The following VSX2 variants were observed in gnomAD, a reference collection of about 807,000 sequenced individuals.
VSX2 encodes the protein visual system homeobox 2, also known as ceh-10 homeo domain containing homolog.
A neutral mutation model predicts 32.1 loss-of-function variants in VSX2; 28 were observed. That is an observed-to-expected ratio of 0.87 (90% CI 0.65 to 1.20). The LOEUF (loss-of-function observed/expected upper bound fraction) is 1.20, where lower values mean the gene tolerates loss of function less well. Among genes scored for constraint, VSX2 ranks in the 50% most tolerant of loss-of-function variants. VSX2 has a pLI of 0.00. For missense variants in VSX2, 506 were observed against 488.7 expected, an observed-to-expected ratio of 1.04 and a Z score of -0.33; for synonymous variants, 243 against 214.1, an observed-to-expected ratio of 1.14 and a Z score of -1.18.
rs2079150142 is a variant in VSX2, at chr14:74,241,498, C to T, written c.455+232C>T. Among the ~76,000 whole-genome samples, 3 of 151,888 alleles carry T rather than the reference C, an allele frequency of 2.0e-5. No individual in the cohort carries two copies. In the South Asian group the frequency reaches 6.2e-4, roughly 31 times the overall value. Reference sequence around the variant, plus strand: ...GAAAGCGGCCCGGTTCGGGCTTTCTCCTCCTTGTTCAGGAGAAAGGAAAGG... The same window carrying T: ...GAAAGCGGCCCGGTTCGGGCTTTCTTCTCCTTGTTCAGGAGAAAGGAAAGG... On this transcript the variant is annotated intron_variant, in intron 2 of 4. Transcript: ENST00000261980.
intron 1 of VSX2, 47 bp downstream of exon 1, chr14:74,239,978 C>A (rs1824747669): frequency 6.5e-7 from 1 of 1,539,564 alleles, no homozygotes; most frequent in East Asian, 2.5e-5. Context: ...GGGCGACAGC[C>A]GGGAGCCCCG....
chr14:74,244,484 G>T (rs2079171195), intron 2 of VSX2, among the ~76,000 whole-genome samples: 1 of 152,124 alleles, frequency 6.6e-6, no homozygotes, highest in Admixed American at 6.5e-5. Context: ...GGAGTTGAGG[G>T]AGTGGGAGAT....
chr14:74,251,543 G>C (rs552753912), intron 3 of VSX2, among the ~76,000 whole-genome samples: 1 of 152,346 alleles, frequency 6.6e-6, no homozygotes, highest in African/African-American at 2.4e-5. Flanking sequence ...TGTGTGCAGT[G>C]AATGTAAACA....
chr14:74,258,450 G>A (rs956569765), intron 3 of VSX2, among the ~76,000 whole-genome samples: 5 of 152,154 alleles, frequency 3.3e-5, no homozygotes, highest in African/African-American at 1.2e-4. Flanking sequence ...AAGGAAATCG[G>A]GAGGAAATGA....
intron 2 of VSX2, among the ~76,000 whole-genome samples, chr14:74,243,223 G>A (rs535492259): frequency 2.0e-5 from 3 of 152,316 alleles, no homozygotes; most frequent in East Asian, 1.9e-4. Flanking sequence ...ACTTAAAAGC[G>A]TTTGGGGGGT....
At chr14:74,259,845 A>G in intron 4 of VSX2, 63 bp downstream of exon 4, 1 of 1,543,954 alleles carries the variant, frequency 6.5e-7, no homozygotes, top group Non-Finnish European at 8.8e-7. Context: ...TCCTTGGAGG[A>G]GGGGACAGAG....
chr14:74,241,081 C>T, intron 1 of VSX2, 101 bp from the exon 2 acceptor site: 1 of 1,269,274 alleles, frequency 7.9e-7, no homozygotes, highest in Non-Finnish European at 1.1e-6. Context: ...GAGCAGGTCC[C>T]CGCCGCTCGC....
rs776731233 is a variant in VSX2, at chr14:74,245,159, C to G, written c.456-6C>G. On this transcript the variant is annotated splice_region_variant and splice_polypyrimidine_tract_variant and intron_variant, in intron 2 of 4. Coordinates refer to ENST00000261980, the MANE Select transcript of VSX2 (RefSeq NM_182894.3). ...GGTCCTGAGTGTTCGGTCTTGCTCCCCTCAGGACAATCTTTACCTCCTACC... is the reference window on the plus strand; with the variant it reads ...GGTCCTGAGTGTTCGGTCTTGCTCCGCTCAGGACAATCTTTACCTCCTACC... 14 of 1,613,472 alleles carry G rather than the reference C, an allele frequency of 8.7e-6. No individual in the cohort carries two copies. The highest frequency in any genetic ancestry group is 9.3e-6 in the Non-Finnish European group (11 of 1,179,856).
intron 3 of VSX2, among the ~76,000 whole-genome samples, chr14:74,252,208 G>T (rs1249927884): frequency 6.6e-6 from 1 of 152,176 alleles, no homozygotes; most frequent in Admixed American, 6.5e-5. Context: ...TGCCCACGTC[G>T]AGAAAGAGCT....
At position 74,259,638 on chromosome 14, in the gene VSX2, C is replaced by A. The variant is rs572797318; in HGVS notation, c.616C>A (p.Arg206=). 1.9e-6 allele frequency: 3 copies of A among 1,614,066 alleles called. No homozygotes were observed. The highest frequency in any genetic ancestry group is 2.5e-6 in the Non-Finnish European group (3 of 1,180,018). The change falls in exon 4 of 5, where the codon CGG becomes AGG. Residue 206 remains arginine (R), a synonymous_variant. Coordinates refer to ENST00000261980, the MANE Select transcript of VSX2 (RefSeq NM_182894.3). ...FQNRRAKWRK[R]EKCWGRSSVM... The stretch of plus-strand genomic sequence containing the variant: ...GAACCGTCGAGCCAAGTGGAGGAAG[C>A]GGGAGAAGTGCTGGGGCCGGAGCAG...
At chr14:74,245,399 T>C in intron 3 of VSX2, 111 bp downstream of exon 3, 2 of 1,432,768 alleles carry the variant, frequency 1.4e-6, no homozygotes, top group South Asian at 2.4e-5. Flanking sequence ...TGTGGGCATG[T>C]GCTTGCCTAT....
intron 2 of VSX2, among the ~76,000 whole-genome samples, chr14:74,244,959 T>TAAA (rs1353185056): frequency 2.1e-5 from 2 of 95,160 alleles, no homozygotes; most frequent in Admixed American, 1.1e-4. Flanking sequence ...TGTGTGTGTG[T>TAAA]GTGTGTGTGT....
chr14:74,254,783 G>GTTTTTTTTTTTTTTTTTTT (rs1566887118), intron 3 of VSX2, among the ~76,000 whole-genome samples: 1 of 72,372 alleles, frequency 1.4e-5, no homozygotes, highest in African/African-American at 1.0e-4. Flanking sequence ...CCGAAAAGTG[G>GTTTTTTTTTTTTTTTTTTT]ATTTTTTTTT....
rs751455710 is a variant in VSX2, at chr14:74,260,609, C to T, written c.776C>T (p.Ser259Leu). Residue 259 changes from serine to leucine, a missense_variant, in exon 5 of 5, where the codon TCG (serine) becomes TTG (leucine). Ser to Leu is a moderately radical substitution (Grantham distance 145). Transcript: ENST00000261980. ...TTCTTTCTAGGGATGCACAAAAAGT[C>T]GCTGGAGGCAGCAGCCGAGTCGGGG... is the stretch of plus-strand genomic sequence containing the variant. ...APWLLGMHKKSLEAAAESGRK... is the reference protein window; with the variant it reads ...APWLLGMHKKLLEAAAESGRK... 3.1e-6 allele frequency: 5 copies of T among 1,603,512 alleles called. No homozygotes were observed. Among genetic ancestry groups the T allele is most frequent in the East Asian group, 4.5e-5 (2 of 44,484 alleles).
chr14:74,240,000 C>T, intron 1 of VSX2, 69 bp downstream of exon 1: 2 of 1,529,880 alleles, frequency 1.3e-6, no homozygotes, highest in African/African-American at 1.4e-5. Context: ...GCCGTCGGCT[C>T]TCGCTTGCTG....
intron 4 of VSX2, 118 bp from the exon 5 acceptor site, chr14:74,260,475 TG>T: frequency 9.7e-7 from 1 of 1,036,072 alleles, no homozygotes; most frequent in Non-Finnish European, 1.5e-6. Flanking sequence ...GACTGCGGTG[TG>T]GGGAGTAAGG....
At position 74,239,861 on chromosome 14, in the gene VSX2, G is replaced by T. The variant is rs769167146; in HGVS notation, c.300G>T (p.Pro100=). The change falls in exon 1 of 5, where the codon CCG becomes CCT. Residue 100 remains proline, a synonymous_variant. Coordinates refer to ENST00000261980, the MANE Select transcript of VSX2 (RefSeq NM_182894.3). ...QPTFLEVLSD[P]QSVHLQPLGR... is the part of the protein sequence containing the mutation. ...CCTTCCTGGAAGTGCTGTCCGACCCGCAGAGCGTCCACTTGCAGCCATTGG... is the reference window on the plus strand; with the variant it reads ...CCTTCCTGGAAGTGCTGTCCGACCCTCAGAGCGTCCACTTGCAGCCATTGG... 3.2e-6 allele frequency: 5 copies of T among 1,577,500 alleles called. No individual in the cohort carries two copies. In the South Asian group the frequency reaches 3.5e-5, roughly 11 times the overall value.
chr14:74,258,151 G>A lies in VSX2; in HGVS notation c.580-1451G>A, dbSNP rs533528402. ...GTTGGGGGTCCCCGGGGAAGCGGGG[G>A]CGCTCGCGACGAGGCGAGTGCTGCC... is the stretch of plus-strand genomic sequence containing the variant. On this transcript the variant is annotated intron_variant, in intron 3 of 4. Coordinates refer to ENST00000261980, the MANE Select transcript of VSX2 (RefSeq NM_182894.3). 5.4e-3 allele frequency among the ~76,000 whole-genome samples: 829 copies of A among 152,318 alleles called. 3 individuals are homozygous for A. The highest frequency in any genetic ancestry group is 0.01 in the Non-Finnish European group (691 of 68,030).
At chr14:74,257,591 C>T (rs190964633) in intron 3 of VSX2, among the ~76,000 whole-genome samples, 7 of 152,134 alleles carry the variant, frequency 4.6e-5, no homozygotes, top group Non-Finnish European at 8.8e-5. Context: ...GCGAGGCTGG[C>T]GGGCCGGAGC....
Sources: allele counts gnomAD v4.1 joint callset (sites outside exome capture counted in the v4.1 genomes callset), GRCh38; gene constraint gnomAD v4.1.1; transcripts MANE v1.5; gene names NCBI Gene and HGNC (gene_info 2026-07-23, HGNC 2026-07-21).